The following VPS13D variants were observed in gnomAD, a reference collection of about 807,000 sequenced individuals.
The protein encoded by VPS13D is intermembrane lipid transfer protein VPS13D.
A neutral mutation model predicts 461.9 loss-of-function variants in VPS13D; 187 were observed. The observed-to-expected ratio is 0.40, with a 90% confidence interval of 0.36 to 0.46. The LOEUF is 0.46. VPS13D is among the 20% of genes least tolerant of loss of function. The probability of loss-of-function intolerance (pLI) is 0.60; values close to 1 mark genes in which losing one functional copy is unlikely to be tolerated. For synonymous variants in VPS13D, 1,951 were observed against 1,986.3 expected, an observed-to-expected ratio of 0.98 and a Z score of 0.47; for missense variants, 4,711 against 5,364.9, an observed-to-expected ratio of 0.88 and a Z score of 3.81.
At chr1:12,364,592 T>C (rs1211977316) in intron 52 of VPS13D, among the ~76,000 whole-genome samples, 2 of 152,326 alleles carry the variant, frequency 1.3e-5, no homozygotes, top group African/African-American at 2.4e-5. Context: ...CATTTTACTT[T>C]CCTGACACCA....
At chr1:12,294,992 C>T (rs573484494) in intron 24 of VPS13D, among the ~76,000 whole-genome samples, 12 of 152,106 alleles carry the variant, frequency 7.9e-5, no homozygotes, top group Non-Finnish European at 1.0e-4. Flanking sequence ...GGGGGCGAGG[C>T]GGGCAAATCA....
At chr1:12,405,278 A>G (rs192134508) in intron 63 of VPS13D, among the ~76,000 whole-genome samples, 2 of 152,306 alleles carry the variant, frequency 1.3e-5, no homozygotes, top group East Asian at 1.9e-4. Flanking sequence ...CTGGATTTTT[A>G]TGTGGAATCT....
At chr1:12,359,138 T>C (rs1278103053) in intron 50 of VPS13D, among the ~76,000 whole-genome samples, 1 of 152,148 alleles carries the variant, frequency 6.6e-6, no homozygotes, top group African/African-American at 2.4e-5. Flanking sequence ...ACTTTGCTTA[T>C]GGAGATGGGA....
At position 12,291,710 on chromosome 1, in the gene VPS13D, C is replaced by T. The variant is rs371383060; in HGVS notation, c.5852+586C>T. ...CCTGGGCTCTCTTGCTGGTTTTCCA[C>T]GAACTTGGTGTATGTCCTGAGACAA... On this transcript the variant is annotated intron_variant, in intron 23 of 69. Coordinates refer to ENST00000620676, the MANE Select transcript of VPS13D (RefSeq NM_015378.4). 7.2e-5 allele frequency among the ~76,000 whole-genome samples: 11 copies of T among 152,298 alleles called. No individual in the cohort carries two copies. The South Asian group carries it at 1.9e-3, about 26-fold the overall frequency.
chr1:12,455,357 C>A, intron 65 of VPS13D, among the ~76,000 whole-genome samples: 1 of 152,208 alleles, frequency 6.6e-6, no homozygotes, highest in Non-Finnish European at 1.5e-5. Flanking sequence ...ATTCTTAGAG[C>A]AAAGAGCCTA....
rs1450950531 is a variant in VPS13D at position 12,273,130 on chromosome 1, C to T, written c.2231C>T (p.Thr744Ile). The part of the protein sequence containing the change: ...VDLGRMLLTN[T>I]QDNSRRKSRD... ...CTAGGAAGAATGCTTTTGACGAACA[C>T]CCAAGGTATAGTGTGAGTGGGAAAT... The change falls in exon 18 of 70, where the codon ACC becomes ATC. Residue 744 changes from threonine (T) to isoleucine (I), a missense_variant. Thr to Ile is a moderately conservative substitution (Grantham distance 89). Around this residue, in one of 3 missense-constraint regions of VPS13D, gnomAD observed 4,411 missense variants for 4,937.8 expected, o/e 0.89. Transcript: ENST00000620676. 1.9e-6 allele frequency: 3 copies of T among 1,613,774 alleles called. No homozygotes were observed. Among genetic ancestry groups the T allele is most frequent in the Non-Finnish European group, 2.5e-6 (3 of 1,179,924 alleles).
chr1:12,504,775 C>CTTGGAAAAGAGTCTGT (rs1412219512), intron 68 of VPS13D, among the ~76,000 whole-genome samples: 3 of 152,180 alleles, frequency 2.0e-5, no homozygotes, highest in Admixed American at 6.5e-5. Flanking sequence ...TCTGGGGCAT[C>CTTGGAAAAGAGTCTGT]TTGGAAAAGA....
At chr1:12,468,597 C>T (rs551527829) in intron 67 of VPS13D, among the ~76,000 whole-genome samples, 4 of 152,330 alleles carry the variant, frequency 2.6e-5, no homozygotes, top group East Asian at 3.9e-4. Context: ...ATAATTCACC[C>T]GTGGTTTTCT....
chr1:12,511,963 T>G lies in VPS13D; in HGVS notation c.*2939T>G, dbSNP rs990375534. The stretch of plus-strand genomic sequence containing the variant: ...ATGTAAACACTATTACAGTCACCAG[T>G]GTGTGAAGACTCTTGAGTCTGGTTC... On this transcript the variant is annotated 3_prime_UTR_variant, in exon 70 of 70. Coordinates refer to ENST00000620676, the MANE Select transcript of VPS13D (RefSeq NM_015378.4). The surrounding 1 kb of genome is among the most constrained non-coding windows in gnomAD (Gnocchi z 4.5). The G allele has an allele frequency of 6.6e-6, 1 of 152,198 alleles. No individual in the cohort carries two copies. Among genetic ancestry groups the G allele is most frequent in the African/African-American group, 2.4e-5 (1 of 41,456 alleles). The allele number at this position is 152,198 out of a possible 1,614,324, so 9.4% of individuals were successfully genotyped here. A position where few individuals can be genotyped will look rare whatever the true frequency, so the allele number is the denominator to read the frequency against.
intron 59 of VPS13D, 30 bp from the exon 60 acceptor site, chr1:12,386,155 T>A: frequency 6.3e-7 from 1 of 1,593,852 alleles, no homozygotes; most frequent in Non-Finnish European, 8.5e-7. Flanking sequence ...TTTAAAACAA[T>A]CAGGGTGCCA....
At chr1:12,476,482 A>C (rs1309455520) in intron 67 of VPS13D, among the ~76,000 whole-genome samples, 1 of 152,238 alleles carries the variant, frequency 6.6e-6, no homozygotes, top group East Asian at 1.9e-4. Flanking sequence ...ATTTACGTGT[A>C]TTAATGTAAC....
At chr1:12,460,896 G>T (rs140371669) in intron 67 of VPS13D, among the ~76,000 whole-genome samples, 1 of 151,824 alleles carries the variant, frequency 6.6e-6, no homozygotes, top group African/African-American at 2.4e-5. Flanking sequence ...TTTTCCTTCC[G>T]CTTGAAAGTA....
chr1:12,398,564 C>A (rs1644530227), intron 60 of VPS13D, among the ~76,000 whole-genome samples: 1 of 152,060 alleles, frequency 6.6e-6, no homozygotes, highest in South Asian at 2.1e-4. Flanking sequence ...GTCCTCTTTC[C>A]TCTTCCTGGT....
At position 12,363,236 on chromosome 1, in the gene VPS13D, T is replaced by G; in HGVS notation, c.10437T>G (p.His3479Gln). 10 of 1,614,128 alleles carry G rather than the reference T, an allele frequency of 6.2e-6. No individual in the cohort carries two copies. The highest frequency in any genetic ancestry group is 8.5e-6 in the Non-Finnish European group (10 of 1,180,008). Residue 3479 changes from histidine (H) to glutamine (Q), a missense_variant, in exon 52 of 70, where the codon CAT (histidine) becomes CAG (glutamine). His to Gln is a conservative substitution (Grantham distance 24). This residue lies in a region of VPS13D where 4,411 missense variants were observed against 4,937.8 expected (regional missense o/e 0.89). Coordinates refer to ENST00000620676, the MANE Select transcript of VPS13D (RefSeq NM_015378.4). ...AAGTCAACAAGAATAATTCCTTCCATATCAACATGAGGTAAGTTTGAGACT... is the reference window on the plus strand; with the variant it reads ...AAGTCAACAAGAATAATTCCTTCCAGATCAACATGAGGTAAGTTTGAGACT... Reference protein sequence around the residue: ...GFEVNKNNSFHINMRDTLGKC... With the variant: ...GFEVNKNNSFQINMRDTLGKC...
Position 12,455,990 on chromosome 1 carries a change from CCTT to C in VPS13D, c.12334-5_12334-3del. Reference sequence around the variant, plus strand: ...TAAAACTCTTCTCCTGCTTTTAACTCCTTCTAGTTTGCTGGAACATTATCAGAT... The same window carrying C: ...TAAAACTCTTCTCCTGCTTTTAACTCCTAGTTTGCTGGAACATTATCAGAT... On this transcript the variant is annotated splice_region_variant and splice_polypyrimidine_tract_variant and intron_variant, in intron 65 of 69. Transcript: ENST00000620676. The C allele has an allele frequency of 2.5e-6, 4 of 1,599,396 alleles. No homozygotes were observed. Among genetic ancestry groups the C allele is most frequent in the Middle Eastern group, 1.7e-4 (1 of 6,002 alleles).
chr1:12,346,186 G>A (rs1305981991), intron 43 of VPS13D, among the ~76,000 whole-genome samples: 1 of 152,170 alleles, frequency 6.6e-6, no homozygotes, highest in Admixed American at 6.5e-5. Flanking sequence ...AGATATTGCA[G>A]CTTTCTTCAT....
At chr1:12,289,839 G>A (rs1172450997) in intron 22 of VPS13D, among the ~76,000 whole-genome samples, 1 of 152,108 alleles carries the variant, frequency 6.6e-6, no homozygotes, top group African/African-American at 2.4e-5. Flanking sequence ...AGGAGGCTGA[G>A]GTGGTTGGAT....
chr1:12,419,324 G>A (rs1184123412), intron 65 of VPS13D, among the ~76,000 whole-genome samples: 1 of 152,162 alleles, frequency 6.6e-6, no homozygotes, highest in Admixed American at 6.5e-5. Context: ...TACTAGTATT[G>A]GAGCCACAGG....
At chr1:12,307,425 G>A (rs1642597523) in intron 26 of VPS13D, among the ~76,000 whole-genome samples, 1 of 152,190 alleles carries the variant, frequency 6.6e-6, no homozygotes, top group African/African-American at 2.4e-5. Flanking sequence ...GGCTTGAAAT[G>A]AGCTTGGGAA....
Sources: allele counts gnomAD v4.1 joint callset (sites outside exome capture counted in the v4.1 genomes callset), GRCh38; gene constraint gnomAD v4.1.1; regional missense constraint gnomAD v4.1.1; non-coding constraint Gnocchi (gnomAD v3.1); transcripts MANE v1.5; gene names NCBI Gene and HGNC (gene_info 2026-07-23, HGNC 2026-07-21).